MEGF11: variants seen among roughly 807,000 people sequenced by gnomAD.
MEGF11 encodes the protein multiple epidermal growth factor-like domains protein 11.
A neutral mutation model predicts 146.6 loss-of-function variants in MEGF11; 126 were observed. The observed-to-expected ratio is 0.86, with a 90% CI of 0.74 to 1.00. The LOEUF (loss-of-function observed/expected upper bound fraction) is 1.00, where lower values mean the gene tolerates loss of function less well. MEGF11 is among the 50% of genes least tolerant of loss of function. The pLI, the probability that MEGF11 is intolerant of heterozygous loss-of-function variation, is 0.00. For synonymous variants in MEGF11, 532 were observed against 583.4 expected (o/e 0.91, Z 1.27); for missense variants, 1,509 against 1,521.2 (o/e 0.99, Z 0.13).
intron 1 of MEGF11, among the ~76,000 whole-genome samples, chr15:66,214,104 T>C (rs1052233588): frequency 1.0e-4 from 15 of 149,596 alleles, no homozygotes; most frequent in Non-Finnish European, 1.3e-4. Flanking sequence ...GGCACAATCT[T>C]GGCTCACTGC....
chr15:65,989,931 T>C (rs2081977938), intron 5 of MEGF11, among the ~76,000 whole-genome samples: 1 of 152,206 alleles, frequency 6.6e-6, no homozygotes, highest in South Asian at 2.1e-4. Context: ...CAATGGCTCG[T>C]ACCTGTAATC....
chr15:65,916,718 T>C (rs1253750115), intron 17 of MEGF11, 110 bp downstream of exon 17: 6 of 1,533,096 alleles, frequency 3.9e-6, no homozygotes, highest in Non-Finnish European at 5.3e-6. Flanking sequence ...CCACCAGTCC[T>C]GGGGCTGCCT....
intron 1 of MEGF11, among the ~76,000 whole-genome samples, chr15:66,238,971 G>C (rs930785358): frequency 2.0e-5 from 3 of 152,212 alleles, no homozygotes; most frequent in Non-Finnish European, 4.4e-5. Flanking sequence ...GCTCACTGCT[G>C]TACGCCCAAC....
At chr15:66,251,839 AC>A (rs1251315149) in intron 1 of MEGF11, among the ~76,000 whole-genome samples, 1 of 152,122 alleles carries the variant, frequency 6.6e-6, no homozygotes, top group African/African-American at 2.4e-5. Flanking sequence ...GCAGTCCTAG[AC>A]CTCGAATTTC....
chr15:66,023,919 G>C (rs889858214), intron 5 of MEGF11, among the ~76,000 whole-genome samples: 1 of 152,212 alleles, frequency 6.6e-6, no homozygotes, highest in Non-Finnish European at 1.5e-5. Context: ...GAAGGCTGCA[G>C]GGGGAGGGGA....
chr15:66,055,398 C>T (rs2084633252), intron 5 of MEGF11, among the ~76,000 whole-genome samples: 1 of 152,190 alleles, frequency 6.6e-6, no homozygotes, highest in Non-Finnish European at 1.5e-5. Flanking sequence ...TTTAATCAAA[C>T]ATTTAATTTG....
chr15:66,030,788 C>T (rs932184073), intron 5 of MEGF11, among the ~76,000 whole-genome samples: 3 of 152,146 alleles, frequency 2.0e-5, no homozygotes, highest in African/African-American at 4.8e-5. Flanking sequence ...CAATTCCTAC[C>T]ACAGAGGCCA....
chr15:66,217,751 G>T (rs2091623331), intron 1 of MEGF11, among the ~76,000 whole-genome samples: 1 of 152,190 alleles, frequency 6.6e-6, no homozygotes, highest in Admixed American at 6.5e-5. Context: ...GAAGAGATTT[G>T]CCTCTGTCCA....
At chr15:66,035,369 T>C (rs1160397866) in intron 5 of MEGF11, among the ~76,000 whole-genome samples, 2 of 152,232 alleles carry the variant, frequency 1.3e-5, no homozygotes, top group African/African-American at 2.4e-5. Flanking sequence ...AACTGCACAA[T>C]GTGGCCTCAC....
intron 5 of MEGF11, among the ~76,000 whole-genome samples, chr15:66,030,402 C>T (rs755632763): frequency 6.6e-6 from 1 of 152,140 alleles, no homozygotes; most frequent in Non-Finnish European, 1.5e-5. Flanking sequence ...CTCACACACA[C>T]AGTCCTCAAC....
intron 5 of MEGF11, among the ~76,000 whole-genome samples, chr15:66,064,642 C>A (rs995605096): frequency 1.3e-5 from 2 of 151,884 alleles, no homozygotes; most frequent in African/African-American, 4.8e-5. Context: ...CTCAGCCTCC[C>A]AAGTAGCTAG....
intron 3 of MEGF11, among the ~76,000 whole-genome samples, chr15:66,121,567 A>G (rs1019819946): frequency 2.0e-5 from 3 of 152,214 alleles, no homozygotes; most frequent in African/African-American, 7.2e-5. Flanking sequence ...GCAAGTTAGC[A>G]CAACAATACT....
chr15:65,957,674 C>T lies in MEGF11; in HGVS notation c.1160G>A (p.Gly387Asp). Residue 387 changes from glycine (G) to aspartate (D), a missense_variant, in exon 10 of 26, where the codon GGT becomes GAT. By Grantham distance (94) the Gly-to-Asp change is moderately conservative (BLOSUM62 -1). Transcript: ENST00000395614. The stretch of plus-strand genomic sequence containing the variant: ...AGGGCAGGATTCATTGCAGTGGTGA[C>T]CAGACCAGCCTGGCTGGCAGGTACA... ...GACTCQPGWS[G>D]HHCNESCPVG... The T allele has an allele frequency of 6.2e-7, 1 of 1,613,934 alleles. No homozygotes were observed. The highest frequency in any genetic ancestry group is 8.5e-7 in the Non-Finnish European group (1 of 1,179,896).
At chr15:66,088,582 G>A (rs1034840395) in intron 5 of MEGF11, among the ~76,000 whole-genome samples, 4 of 152,168 alleles carry the variant, frequency 2.6e-5, no homozygotes, top group African/African-American at 9.7e-5. Flanking sequence ...TTGAACCTGG[G>A]AGGCGGAGGG....
In MEGF11 at chr15:66,174,103, C is replaced by T. The variant is rs149098396; in HGVS notation, c.-8-45692G>A. 8.5e-5 allele frequency among the ~76,000 whole-genome samples: 13 copies of T among 152,326 alleles called. No homozygotes were observed. In the East Asian group the frequency reaches 2.5e-3, roughly 29 times the overall value. ...ACTTGACACTTCATTCTGGCCTGGT[C>T]TCAATTATTTCACAGGGATTGAGAA... On this transcript the variant is annotated intron_variant, in intron 1 of 25. Coordinates refer to ENST00000395614, the MANE Select transcript of MEGF11 (RefSeq NM_001385028.1).
At chr15:66,067,364 G>A (rs1168022802) in intron 5 of MEGF11, among the ~76,000 whole-genome samples, 1 of 152,186 alleles carries the variant, frequency 6.6e-6, no homozygotes, top group Non-Finnish European at 1.5e-5. Flanking sequence ...GTCTACATCT[G>A]TCACCTTATT....
chr15:66,100,966 AGGCG>A, intron 4 of MEGF11, among the ~76,000 whole-genome samples: 1 of 77,854 alleles, frequency 1.3e-5, no homozygotes, highest in African/African-American at 5.1e-5. Context: ...GTGGGTGAAC[AGGCG>A]GGTGAGTGAG....
chr15:66,194,609 C>CA (rs2090963832), intron 1 of MEGF11, among the ~76,000 whole-genome samples: 1 of 108,100 alleles, frequency 9.3e-6, no homozygotes, highest in Non-Finnish European at 1.8e-5. Context: ...GACTCCGTCT[C>CA]AAAAAACAAA....
intron 5 of MEGF11, among the ~76,000 whole-genome samples, chr15:66,076,203 AGGAT>A (rs55758771): frequency 0.13 from 20,050 of 148,630 alleles, 1,688 homozygotes; most frequent in African/African-American, 0.24. Context: ...ACTGACAGAC[AGGAT>A]GGATGGATGG....
Sources: allele counts gnomAD v4.1 joint callset (sites outside exome capture counted in the v4.1 genomes callset), GRCh38; gene constraint gnomAD v4.1.1; transcripts MANE v1.5; gene names NCBI Gene and HGNC (gene_info 2026-07-23, HGNC 2026-07-21).